The following NRF1 variants were observed in gnomAD, a reference collection of about 807,000 sequenced individuals.
NRF1 encodes the protein nuclear respiratory factor 1.
A neutral mutation model predicts 58.5 loss-of-function variants in NRF1; 5 were observed. That is an observed-to-expected ratio of 0.09 (90% CI 0.04 to 0.18). NRF1 has a LOEUF of 0.18. Among genes scored for constraint, NRF1 ranks in the 10% least tolerant of loss-of-function variants. The pLI is 1.00. For missense variants in NRF1, 288 were observed against 657.7 expected (o/e 0.44, Z 6.15); for synonymous variants, 224 against 246.7 (o/e 0.91, Z 0.86).
At chr7:129,690,379 T>A (rs1384297055) in intron 4 of NRF1, 27 bp from the exon 5 acceptor site, 2 of 1,603,166 alleles carry the variant, frequency 1.2e-6, no homozygotes, top group Non-Finnish European at 1.7e-6. Context: ...GGGCATCTTG[T>A]TTACTTCTGC....
At chr7:129,644,174 G>A (rs1342034238) in intron 1 of NRF1, among the ~76,000 whole-genome samples, 2 of 152,166 alleles carry the variant, frequency 1.3e-5, no homozygotes, top group African/African-American at 4.8e-5. Context: ...TTACTTAACT[G>A]TATTAATTCA....
At chr7:129,696,090 C>CAAA (rs1802691300) in intron 5 of NRF1, among the ~76,000 whole-genome samples, 1 of 104,066 alleles carries the variant, frequency 9.6e-6, no homozygotes, top group Non-Finnish European at 2.0e-5. Flanking sequence ...AAAAAAACAA[C>CAAA]CAAATTAGCC....
intron 1 of NRF1, among the ~76,000 whole-genome samples, chr7:129,620,653 T>C (rs1255811951): frequency 2.0e-5 from 3 of 152,204 alleles, no homozygotes; most frequent in African/African-American, 7.2e-5. Context: ...CCCAAAGTGC[T>C]GGGATTACAG....
intron 6 of NRF1, among the ~76,000 whole-genome samples, 171 bp from the exon 7 acceptor site, chr7:129,710,203 T>G (rs973015644): frequency 4.6e-5 from 7 of 152,158 alleles, no homozygotes; most frequent in African/African-American, 1.7e-4. Flanking sequence ...TGATACTTCG[T>G]ACACAGCTTC....
intron 10 of NRF1, among the ~76,000 whole-genome samples, chr7:129,736,755 A>C (rs967509473): frequency 2.0e-5 from 3 of 150,856 alleles, no homozygotes; most frequent in African/African-American, 7.3e-5. Flanking sequence ...CCACAAAAAA[A>C]GGTTAAGAAC....
intron 10 of NRF1, chr7:129,735,099 G>C (rs1803675143): frequency 1.0e-6 from 1 of 985,312 alleles, no homozygotes; most frequent in African/African-American, 1.7e-5. Context: ...GGGTCCCCCA[G>C]AGATTTTGAA....
At chr7:129,619,912 T>C (rs1800754933) in intron 1 of NRF1, among the ~76,000 whole-genome samples, 1 of 152,066 alleles carries the variant, frequency 6.6e-6, no homozygotes, top group African/African-American at 2.4e-5. Flanking sequence ...CTGGGGTTTA[T>C]ATATTTTGGC....
At chr7:129,612,158 G>C (rs1308312629) in intron 1 of NRF1, among the ~76,000 whole-genome samples, 4 of 150,748 alleles carry the variant, frequency 2.7e-5, no homozygotes, top group Non-Finnish European at 5.9e-5. Context: ...CGTGGAACCC[G>C]GGGCCCGGCC....
intron 1 of NRF1, among the ~76,000 whole-genome samples, chr7:129,619,426 ATATATATAC>A (rs1800728862): frequency 1.1e-5 from 1 of 92,626 alleles, no homozygotes; most frequent in Non-Finnish European, 1.9e-5. Context: ...ATATATATAT[ATATATATAC>A]ACACACACAC....
intron 9 of NRF1, among the ~76,000 whole-genome samples, chr7:129,719,815 C>A (rs1308987670): frequency 6.6e-6 from 1 of 152,130 alleles, no homozygotes; most frequent in Non-Finnish European, 1.5e-5. Flanking sequence ...AGTAACACCC[C>A]CCATTCTCCG....
chr7:129,733,460 C>T (rs886905857), intron 10 of NRF1, among the ~76,000 whole-genome samples: 4 of 111,424 alleles, frequency 3.6e-5, no homozygotes, highest in Admixed American at 9.5e-5. Context: ...AGCGAGACTC[C>T]GTCTCAAAAA....
chr7:129,684,494 A>G (rs1802401360), intron 4 of NRF1, among the ~76,000 whole-genome samples: 1 of 152,216 alleles, frequency 6.6e-6, no homozygotes, highest in African/African-American at 2.4e-5. Flanking sequence ...TAATAAACAT[A>G]TACAAAATTG....
At chr7:129,714,110 C>T (rs566260935) in intron 8 of NRF1, among the ~76,000 whole-genome samples, 15 of 152,274 alleles carry the variant, frequency 9.9e-5, no homozygotes, top group Admixed American at 8.5e-4. Context: ...TAGGAAATTC[C>T]GAAGAGATGC....
chr7:129,629,277 CTT>C (rs35383948), intron 1 of NRF1, among the ~76,000 whole-genome samples: 7 of 142,366 alleles, frequency 4.9e-5, no homozygotes, highest in Non-Finnish European at 7.7e-5. Flanking sequence ...AGCACACACG[CTT>C]TTTTTTTTTT....
At chr7:129,696,890 T>G (rs1802711876) in intron 5 of NRF1, among the ~76,000 whole-genome samples, 1 of 152,168 alleles carries the variant, frequency 6.6e-6, no homozygotes, top group Non-Finnish European at 1.5e-5. Context: ...GAAGATCTAT[T>G]CTCTAGTCTC....
At chr7:129,645,875 A>G (rs1294348603) in intron 1 of NRF1, among the ~76,000 whole-genome samples, 1 of 152,170 alleles carries the variant, frequency 6.6e-6, no homozygotes, top group Non-Finnish European at 1.5e-5. Flanking sequence ...TCTGAGATAC[A>G]GTTTCACTTT....
At chr7:129,642,541 C>T (rs77950615) in intron 1 of NRF1, among the ~76,000 whole-genome samples, 4,391 of 152,012 alleles carry the variant, frequency 0.029, 196 homozygotes, top group African/African-American at 0.1. Flanking sequence ...ACAGTATATA[C>T]AATATAGGCT....
rs144219773 is a variant in NRF1, at chr7:129,720,404, A to C, written c.1223+3028A>C. On this transcript the variant is annotated intron_variant, in intron 9 of 10. Transcript: ENST00000393232. The stretch of plus-strand genomic sequence containing the variant: ...TGCAGTAGAATCATTTAGTCCTTGC[A>C]CTCTGAGCCTCTCCACAGAATTTGC... Among the ~76,000 whole-genome samples, 39 of 152,258 alleles carry C rather than the reference A, an allele frequency of 2.6e-4. No homozygotes were observed. In the East Asian group the frequency reaches 7.1e-3, roughly 28 times the overall value.
intron 2 of NRF1, among the ~76,000 whole-genome samples, chr7:129,664,735 G>T (rs1226808194): frequency 1.3e-5 from 2 of 152,170 alleles, no homozygotes; most frequent in Non-Finnish European, 2.9e-5. Flanking sequence ...CCTTTGTGTG[G>T]CACATGTGGA....
Sources: gnomAD v4.1 joint callset for allele counts (sites outside exome capture counted in the v4.1 genomes callset) on GRCh38, gnomAD v4.1.1 for gene constraint, MANE v1.5 for transcripts, NCBI Gene and HGNC (gene_info 2026-07-23, HGNC 2026-07-21) for gene names.